The following TRAT1 variants were observed in gnomAD, a reference collection of about 807,000 sequenced individuals.
The protein encoded by TRAT1 is T cell receptor associated transmembrane adaptor 1.
TRAT1 carries 20 observed loss-of-function variants against 20.0 expected under a neutral mutation model. That is an observed-to-expected ratio of 1.00 (90% confidence interval 0.70 to 1.45). The LOEUF is 1.45. TRAT1 is among the 40% of genes most tolerant of loss of function. The pLI is 0.00. For missense variants in TRAT1, 237 were observed against 224.1 expected (o/e 1.06, Z -0.37); for synonymous variants, 77 against 74.2 (o/e 1.04, Z -0.20).
intron 3 of TRAT1, among the ~76,000 whole-genome samples, chr3:108,843,288 T>G (rs1261463332): frequency 6.6e-6 from 1 of 152,132 alleles, no homozygotes; most frequent in Non-Finnish European, 1.5e-5. Context: ...TCTCAGCACT[T>G]TGGGAGGCCG....
chr3:108,822,958 G>A (rs773796462), intron 1 of TRAT1, 24 bp downstream of exon 1: 14 of 1,608,738 alleles, frequency 8.7e-6, no homozygotes, highest in Admixed American at 3.3e-5. Flanking sequence ...TAAACTTTTT[G>A]TTCCATTTGT....
At position 108,828,616 on chromosome 3, in the gene TRAT1, A is replaced by G. The variant is rs979092288; in HGVS notation, c.8-2054A>G. Among the ~76,000 whole-genome samples, 3 of 152,202 alleles carry G rather than the reference A, an allele frequency of 2.0e-5. No individual in the cohort carries two copies. In the East Asian group the frequency reaches 5.8e-4, roughly 29 times the overall value. Reference sequence around the variant, plus strand: ...TGTATTAAATAATGTCTTCCAGTTCATAGTATCCTTGAAATTAATGTATTC... The same window carrying G: ...TGTATTAAATAATGTCTTCCAGTTCGTAGTATCCTTGAAATTAATGTATTC... On this transcript the variant is annotated intron_variant, in intron 1 of 5. Transcript: ENST00000295756.
In TRAT1 at chr3:108,830,663, T is replaced by C. The variant is rs749282778; in HGVS notation, c.8-7T>C. The C allele has an allele frequency of 6.3e-7, 1 of 1,589,590 alleles. No individual in the cohort carries two copies. Among genetic ancestry groups the C allele is most frequent in the South Asian group, 1.1e-5 (1 of 90,572 alleles). On this transcript the variant is annotated splice_polypyrimidine_tract_variant and splice_region_variant and intron_variant, in intron 1 of 5. Transcript: ENST00000295756. ...TATATTATGTGTATGTTTATTTTAA[T>C]TTCCAGGAATCTCTGGGTGCCCCTT...
intron 1 of TRAT1, among the ~76,000 whole-genome samples, chr3:108,829,231 A>G (rs1418517770): frequency 2.0e-5 from 3 of 152,096 alleles, no homozygotes; most frequent in Non-Finnish European, 2.9e-5. Context: ...GTTCTATACT[A>G]TATTATGTTA....
rs760097727 is a variant in TRAT1, at chr3:108,853,690, G to A, written c.374G>A (p.Arg125Lys). The A allele has an allele frequency of 3.7e-6, 6 of 1,613,960 alleles. No individual in the cohort carries two copies. Among genetic ancestry groups the A allele is most frequent in the Non-Finnish European group, 5.1e-6 (6 of 1,180,008 alleles). Residue 125 changes from arginine (R) to lysine (K), a missense_variant, in exon 6 of 6, where the codon AGG (arginine) becomes AAG (lysine). Physicochemically the swap from Arg to Lys is conservative, Grantham distance 26. Transcript: ENST00000295756. ...GTTAAGGGGAAGCGTAGAAAGCCCA[G>A]GAAACAGAATACTCATTTCTCAGAC... ...HSVKGKRRKP[R>K]KQNTHFSDKD...
At chr3:108,824,669 T>A (rs913840352) in intron 1 of TRAT1, among the ~76,000 whole-genome samples, 1 of 152,190 alleles carries the variant, frequency 6.6e-6, no homozygotes, top group African/African-American at 2.4e-5. Flanking sequence ...ACCAATTGAT[T>A]ACATAAATCA....
intron 2 of TRAT1, among the ~76,000 whole-genome samples, chr3:108,835,113 TC>T (rs1945827107): frequency 6.6e-6 from 1 of 152,230 alleles, no homozygotes; most frequent in African/African-American, 2.4e-5. Flanking sequence ...TATGGCATCT[TC>T]ACATTTAACA....
At chr3:108,824,092 G>A (rs1039925230) in intron 1 of TRAT1, among the ~76,000 whole-genome samples, 1 of 152,072 alleles carries the variant, frequency 6.6e-6, no homozygotes, top group Non-Finnish European at 1.5e-5. Context: ...GGATGGTCTC[G>A]ATCTCTTGAC....
chr3:108,842,703 C>T (rs1030702293), intron 3 of TRAT1, among the ~76,000 whole-genome samples: 5 of 152,206 alleles, frequency 3.3e-5, no homozygotes, highest in African/African-American at 4.8e-5. Context: ...TTGGATTCTC[C>T]GTCATTTTAG....
At chr3:108,849,504 C>T (rs1482430791) in intron 5 of TRAT1, among the ~76,000 whole-genome samples, 1 of 152,080 alleles carries the variant, frequency 6.6e-6, no homozygotes, top group East Asian at 1.9e-4. Context: ...ATCTATTAAG[C>T]TTTTTCTTTC....
At chr3:108,833,801 C>CAT (rs1351912828) in intron 2 of TRAT1, among the ~76,000 whole-genome samples, 1 of 85,082 alleles carries the variant, frequency 1.2e-5, no homozygotes, top group African/African-American at 3.7e-5. Context: ...GTAAGAATTA[C>CAT]ACACACACAC....
Position 108,847,123 on chromosome 3 carries a change from A to G in TRAT1, c.208A>G (p.Ile70Val). Reference sequence around the variant, plus strand: ...AATTTATGGTAACTTAGATGATATGATTTCAGGTAAGTTTTCCATAAGTTA... The same window carrying G: ...AATTTATGGTAACTTAGATGATATGGTTTCAGGTAAGTTTTCCATAAGTTA... The part of the protein sequence containing the change: ...TPIYGNLDDM[I>V]SEPMDENCYE... Residue 70 changes from isoleucine (I) to valine (V), a missense_variant, in exon 4 of 6, where the codon ATT (isoleucine) becomes GTT (valine). Transcript: ENST00000295756. The G allele has an allele frequency of 6.5e-7, 1 of 1,538,220 alleles. No individual in the cohort carries two copies. Among genetic ancestry groups the G allele is most frequent in the Non-Finnish European group, 8.9e-7 (1 of 1,122,098 alleles).
At position 108,853,831 on chromosome 3, in the gene TRAT1, T is replaced by A. The variant is rs1379726762; in HGVS notation, c.515T>A (p.Ile172Asn). 1.1e-5 allele frequency: 17 copies of A among 1,613,966 alleles called. No individual in the cohort carries two copies. Among genetic ancestry groups the A allele is most frequent in the Non-Finnish European group, 1.4e-5 (17 of 1,179,826 alleles). The change falls in exon 6 of 6, where the codon ATC (isoleucine) becomes AAC (asparagine). Residue 172 changes from isoleucine (I) to asparagine (N), a missense_variant. By Grantham distance (149) the Ile-to-Asn change is moderately radical (BLOSUM62 -3). Coordinates refer to ENST00000295756, the MANE Select transcript of TRAT1 (RefSeq NM_016388.4). ...AVEENIHDDP[I>N]RLFGLIRAKR... ...GAGGAAAACATTCATGATGATCCCA[T>A]CAGACTGTTTGGATTGATCCGTGCT... is the stretch of plus-strand genomic sequence containing the variant.
At position 108,852,250 on chromosome 3, in the gene TRAT1, G is replaced by T. The variant is rs968855649; in HGVS notation, c.304-1370G>T. On this transcript the variant is annotated intron_variant, in intron 5 of 5. Transcript: ENST00000295756. ...ACAAAAATTAGCCAGGCGTGGTGGT[G>T]GGCACCTATAATCCCAGCTACTTGG... is the stretch of plus-strand genomic sequence containing the variant. Among the ~76,000 whole-genome samples the T allele has an allele frequency of 4.7e-4, 72 of 152,220 alleles. 1 individual carries two copies. The highest frequency in any genetic ancestry group is 3.4e-3 in the Middle Eastern group (1 of 294).
rs549281387 is a variant in TRAT1, at chr3:108,823,685, T to C, written c.7+751T>C. ...TCAAATTTTATTTATATACATTCTA[T>C]ATAGTTTGCTTTTCATAACTGAAAT... On this transcript the variant is annotated intron_variant, in intron 1 of 5. Coordinates refer to ENST00000295756, the MANE Select transcript of TRAT1 (RefSeq NM_016388.4). 2.7e-4 allele frequency among the ~76,000 whole-genome samples: 41 copies of C among 152,340 alleles called. No homozygotes were observed. The South Asian group carries it at 5.8e-3, about 22-fold the overall frequency.
intron 2 of TRAT1, among the ~76,000 whole-genome samples, chr3:108,836,021 G>T (rs1242145910): frequency 6.6e-6 from 1 of 152,164 alleles, no homozygotes; most frequent in Non-Finnish European, 1.5e-5. Context: ...CTGGATTCAA[G>T]CGATTCCCCT....
intron 1 of TRAT1, among the ~76,000 whole-genome samples, chr3:108,827,230 G>A (rs1368020066): frequency 1.3e-5 from 2 of 152,030 alleles, no homozygotes; most frequent in African/African-American, 2.4e-5. Context: ...TGATACTAAA[G>A]GTTACACTTG....
At chr3:108,841,008 A>C (rs1049008882) in intron 3 of TRAT1, among the ~76,000 whole-genome samples, 1 of 152,264 alleles carries the variant, frequency 6.6e-6, no homozygotes, top group African/African-American at 2.4e-5. Flanking sequence ...ACTGAAGGAT[A>C]TCCTGTTTCT....
intron 4 of TRAT1, among the ~76,000 whole-genome samples, chr3:108,847,778 ACCCTTT>A (rs1945960604): frequency 6.6e-6 from 1 of 152,128 alleles, no homozygotes; most frequent in Non-Finnish European, 1.5e-5. Flanking sequence ...AGAAGCTACC[ACCCTTT>A]CCCTGCAAGT....
Sources: gnomAD v4.1 joint callset for allele counts (sites outside exome capture counted in the v4.1 genomes callset) on GRCh38, gnomAD v4.1.1 for gene constraint, MANE v1.5 for transcripts, NCBI Gene and HGNC (gene_info 2026-07-23, HGNC 2026-07-21) for gene names.